PRKCQ: variants seen among roughly 807,000 people sequenced by gnomAD.
The protein encoded by PRKCQ is protein kinase C theta type.
PRKCQ carries 41 observed loss-of-function variants against 91.2 expected under a neutral mutation model. The ratio of observed to expected loss-of-function variants is 0.45; its 90% CI spans 0.35 to 0.58. The LOEUF (loss-of-function observed/expected upper bound fraction) is 0.58. PRKCQ is among the 20% of genes least tolerant of loss of function. The probability of loss-of-function intolerance (pLI) is 0.00; values close to 1 mark genes in which losing one functional copy is unlikely to be tolerated. For synonymous variants in PRKCQ, 307 were observed against 316.9 expected (o/e 0.97, Z 0.33); for missense variants, 673 against 896.5 (o/e 0.75, Z 3.18).
chr10:6,485,945 A>G, intron 9 of PRKCQ, 90 bp downstream of exon 9: 1 of 1,167,130 alleles, frequency 8.6e-7, no homozygotes, highest in Admixed American at 1.8e-5. Flanking sequence ...GGCATTTCCC[A>G]TAGGGCTGCC....
At chr10:6,535,711 C>A (rs11259425) in intron 1 of PRKCQ, among the ~76,000 whole-genome samples, 1 of 152,208 alleles carries the variant, frequency 6.6e-6, no homozygotes, top group South Asian at 2.1e-4. Context: ...TCCACCTCCC[C>A]TCTTGGTCTT....
At chr10:6,408,719 T>C in the PRKCQ span, among the ~76,000 whole-genome samples, 2 of 152,216 alleles carry the variant, frequency 1.3e-5, no homozygotes, top group African/African-American at 2.4e-5. Flanking sequence ...TGAGACCCAG[T>C]TGTCTTTCTT....
At chr10:6,536,644 A>G (rs1235451941) in intron 1 of PRKCQ, among the ~76,000 whole-genome samples, 1 of 152,062 alleles carries the variant, frequency 6.6e-6, no homozygotes, top group Non-Finnish European at 1.5e-5. Context: ...TTCTTCTCCC[A>G]GGCAAAAATA....
the PRKCQ span, among the ~76,000 whole-genome samples, chr10:6,415,214 C>T: frequency 6.6e-5 from 10 of 151,666 alleles, no homozygotes; most frequent in African/African-American, 9.7e-5. Context: ...CCACCCGCCT[C>T]GGCCTCCCAA....
chr10:6,400,682 A>C, the PRKCQ span, among the ~76,000 whole-genome samples: 1 of 150,384 alleles, frequency 6.6e-6, no homozygotes, highest in Non-Finnish European at 1.5e-5. Context: ...TGGTTTGGCT[A>C]CATGTAAGTG....
intron 1 of PRKCQ, among the ~76,000 whole-genome samples, chr10:6,559,593 AG>A (rs1239041907): frequency 3.9e-5 from 6 of 152,164 alleles, no homozygotes; most frequent in Non-Finnish European, 5.9e-5. Context: ...TCCTGACCTC[AG>A]GTGATCTGCC....
In PRKCQ at chr10:6,555,698, G is replaced by A. The variant is rs527675949; in HGVS notation, c.-10+24513C>T. Among the ~76,000 whole-genome samples the A allele has an allele frequency of 4.6e-5, 7 of 152,198 alleles. No individual in the cohort carries two copies. The East Asian group carries it at 1.4e-3, about 29-fold the overall frequency. Reference sequence around the variant, plus strand: ...AGGTTTTATAAATGGATACCACATGGTGGATTTAAAAAAAAACAGGGTATG... The same window carrying A: ...AGGTTTTATAAATGGATACCACATGATGGATTTAAAAAAAAACAGGGTATG... On this transcript the variant is annotated intron_variant, in intron 1 of 17. Transcript: ENST00000263125.
rs118058099 is a variant in PRKCQ at position 6,468,036 on chromosome 10, G to A, written c.1354-3632C>T. ...AGCCTGGGCAACAGAGTGAGACCCT[G>A]TCTTAAAAAAAATGATGATTAAATA... On this transcript the variant is annotated intron_variant, in intron 12 of 17. Transcript: ENST00000263125. Among the ~76,000 whole-genome samples the A allele has an allele frequency of 1.8e-3, 271 of 152,198 alleles. 4 individuals are homozygous for A. The East Asian group carries it at 0.021, about 12-fold the overall frequency.
Position 6,576,234 on chromosome 10 carries a change from A to T in PRKCQ, c.-10+3977T>A, listed in dbSNP as rs1406061595. ...CATACCCCAAAGAATTGAAAGCAGGACCTCAAACAGATATCTGCGTGTTCC... is the reference window on the plus strand; with the variant it reads ...CATACCCCAAAGAATTGAAAGCAGGTCCTCAAACAGATATCTGCGTGTTCC... On this transcript the variant is annotated intron_variant, in intron 1 of 17. Transcript: ENST00000263125. This position sits in a 1 kb window ranked among gnomAD's most constrained non-coding sequence, Gnocchi z 4.2. Among the ~76,000 whole-genome samples the T allele has an allele frequency of 6.6e-6, 1 of 152,244 alleles. No individual in the cohort carries two copies. Among genetic ancestry groups the T allele is most frequent in the Non-Finnish European group, 1.5e-5 (1 of 68,044 alleles).
intron 10 of PRKCQ, 105 bp from the exon 11 acceptor site, chr10:6,483,705 T>A: frequency 1.5e-6 from 2 of 1,337,994 alleles, no homozygotes; most frequent in Non-Finnish European, 2.1e-6. Flanking sequence ...TGAGGCTCCA[T>A]CATAGTAATT....
At chr10:6,402,371 C>CAAAA in the PRKCQ span, among the ~76,000 whole-genome samples, 164 of 66,496 alleles carry the variant, frequency 2.5e-3, 3 homozygotes, top group Middle Eastern at 0.011. Context: ...ATTTCAATGC[C>CAAAA]AAAAAAAAAA....
At chr10:6,490,461 C>T (rs1304760313) in intron 8 of PRKCQ, among the ~76,000 whole-genome samples, 1 of 151,356 alleles carries the variant, frequency 6.6e-6, no homozygotes, top group Admixed American at 6.6e-5. Flanking sequence ...CATGGTGACT[C>T]ACTCCTGTAA....
At chr10:6,412,338 T>C in the PRKCQ span, among the ~76,000 whole-genome samples, 1 of 152,230 alleles carries the variant, frequency 6.6e-6, no homozygotes, top group Non-Finnish European at 1.5e-5. Flanking sequence ...CATCCTCAAA[T>C]CAGTTTAGAG....
At chr10:6,508,557 AC>A (rs1426648761) in intron 3 of PRKCQ, among the ~76,000 whole-genome samples, 1 of 152,284 alleles carries the variant, frequency 6.6e-6, no homozygotes, top group Non-Finnish European at 1.5e-5. Context: ...CATTGCTGCA[AC>A]AACTATAAAT....
At chr10:6,428,757 G>A (rs564026015) in intron 17 of PRKCQ, among the ~76,000 whole-genome samples, 8 of 152,144 alleles carry the variant, frequency 5.3e-5, no homozygotes, top group Admixed American at 5.2e-4. Flanking sequence ...GAGGGAGTGA[G>A]GGGGTGTGAG....
chr10:6,466,648 G>A (rs1240047059), intron 12 of PRKCQ, among the ~76,000 whole-genome samples: 1 of 152,156 alleles, frequency 6.6e-6, no homozygotes, highest in Non-Finnish European at 1.5e-5. Flanking sequence ...GGATGGATAA[G>A]CCTTTTAAAA....
At chr10:6,482,325 G>A (rs1836647392) in intron 11 of PRKCQ, among the ~76,000 whole-genome samples, 1 of 152,178 alleles carries the variant, frequency 6.6e-6, no homozygotes, top group African/African-American at 2.4e-5. Flanking sequence ...TAAGCAGAGT[G>A]TGGTGGCACA....
chr10:6,524,636 G>A (rs1839132592), intron 1 of PRKCQ, among the ~76,000 whole-genome samples: 1 of 152,228 alleles, frequency 6.6e-6, no homozygotes, highest in Non-Finnish European at 1.5e-5. Context: ...ACAGGACAGA[G>A]CTCTCACCAA....
intron 1 of PRKCQ, among the ~76,000 whole-genome samples, chr10:6,535,308 C>A (rs1839539842): frequency 6.6e-6 from 1 of 152,164 alleles, no homozygotes; most frequent in Admixed American, 6.5e-5. Context: ...GCCATAGTTC[C>A]TGTTTCCAAG....
Sources: allele counts gnomAD v4.1 joint callset (sites outside exome capture counted in the v4.1 genomes callset), GRCh38; gene constraint gnomAD v4.1.1; non-coding constraint Gnocchi (gnomAD v3.1); transcripts MANE v1.5; gene names NCBI Gene and HGNC (gene_info 2026-07-23, HGNC 2026-07-21).